The following RPH3AL variants were observed in gnomAD, a reference collection of about 807,000 sequenced individuals.
RPH3AL encodes the protein rab effector Noc2.
Under a neutral mutation model 43.1 loss-of-function variants are expected in RPH3AL, and 38 were observed. The ratio of observed to expected loss-of-function variants is 0.88; its 90% confidence interval spans 0.68 to 1.15. The LOEUF (loss-of-function observed/expected upper bound fraction) is 1.15, where lower values mean the gene tolerates loss of function less well. RPH3AL is among the 50% of genes most tolerant of loss of function. RPH3AL has a pLI of 0.00. For synonymous variants in RPH3AL, 189 were observed against 176.3 expected, an observed-to-expected ratio of 1.07 and a Z score of -0.57; for missense variants, 462 against 423.2, an observed-to-expected ratio of 1.09 and a Z score of -0.81.
chr17:276,783 A>G (rs1278081145), intron 6 of RPH3AL, among the ~76,000 whole-genome samples: 2 of 152,172 alleles, frequency 1.3e-5, no homozygotes, highest in Admixed American at 6.5e-5. Flanking sequence ...CTGGGTACCA[A>G]TTCTCCAAGC....
Position 246,349 on chromosome 17 carries a change from A to T in RPH3AL, c.613+762T>A, listed in dbSNP as rs962725233. 6.6e-6 allele frequency among the ~76,000 whole-genome samples: 1 copy of T among 152,100 alleles called. No homozygotes were observed. Among genetic ancestry groups the T allele is most frequent in the Non-Finnish European group, 1.5e-5 (1 of 68,004 alleles). ...TATTTGGCAGAAACGTGAGCACTTC[A>T]GAGCAAAAGGACCCAGATGCCAGAG... On this transcript the variant is annotated intron_variant, in intron 7 of 9. Transcript: ENST00000331302. This position sits in a 1 kb window ranked among gnomAD's most constrained non-coding sequence, Gnocchi z 4.8.
At chr17:339,996 G>C (rs1327203919) in intron 1 of RPH3AL, among the ~76,000 whole-genome samples, 2 of 152,058 alleles carry the variant, frequency 1.3e-5, no homozygotes, top group Non-Finnish European at 2.9e-5. Flanking sequence ...TCCCAGCCTA[G>C]GCCCTCAGAG....
At position 282,837 on chromosome 17, in the gene RPH3AL, C is replaced by T. The variant is rs759167943; in HGVS notation, c.352-983G>A. 5.3e-5 allele frequency among the ~76,000 whole-genome samples: 8 copies of T among 152,152 alleles called. No homozygotes were observed. The South Asian group carries it at 8.3e-4, about 16-fold the overall frequency. On this transcript the variant is annotated intron_variant, in intron 5 of 9. Transcript: ENST00000331302. ...AAGGCTGCAGGCAACTGTGACACAG[C>T]GGAAAGTATTCCTGTATCTAAATAT...
intron 6 of RPH3AL, among the ~76,000 whole-genome samples, chr17:267,070 G>T (rs147345509): frequency 6.6e-6 from 1 of 152,230 alleles, no homozygotes; most frequent in Non-Finnish European, 1.5e-5. Context: ...CCTGTGATGA[G>T]GAAAGGTCCC....
At position 290,618 on chromosome 17, in the gene RPH3AL, G is replaced by T. The variant is rs529098690; in HGVS notation, c.352-8764C>A. 6.6e-6 allele frequency among the ~76,000 whole-genome samples: 1 copy of T among 152,114 alleles called. No homozygotes were observed. The highest frequency in any genetic ancestry group is 1.9e-4 in the East Asian group (1 of 5,178). ...AGATGGCACCCAAGAGTCACAATGC[G>T]ACAGAAGGTTCTGCTGGGCCACTCC... On this transcript the variant is annotated intron_variant, in intron 5 of 9. Coordinates refer to ENST00000331302, the MANE Select transcript of RPH3AL (RefSeq NM_006987.4). This position sits in a 1 kb window ranked among gnomAD's most constrained non-coding sequence, Gnocchi z 4.2.
At chr17:239,261 C>T (rs1248614373) in intron 7 of RPH3AL, among the ~76,000 whole-genome samples, 1 of 152,036 alleles carries the variant, frequency 6.6e-6, no homozygotes, top group African/African-American at 2.4e-5. Context: ...AGGACAGGAA[C>T]ACGTCTACTC....
Position 280,147 on chromosome 17 carries a change from G to A in RPH3AL, c.438+1621C>T, listed in dbSNP as rs139992126. Among the ~76,000 whole-genome samples the A allele has an allele frequency of 5.4e-3, 818 of 152,304 alleles. 9 individuals are homozygous for A. Among genetic ancestry groups the A allele is most frequent in the Non-Finnish European group, 9.0e-3 (614 of 68,020 alleles). ...AAATTCAAAGTATTTGCCATTTTGA[G>A]GGGTGAAGGCACAGCCGCTTGCTGA... On this transcript the variant is annotated intron_variant, in intron 6 of 9. Coordinates refer to ENST00000331302, the MANE Select transcript of RPH3AL (RefSeq NM_006987.4).
chr17:291,523 TC>T (rs1406674970), intron 5 of RPH3AL, among the ~76,000 whole-genome samples: 2 of 152,136 alleles, frequency 1.3e-5, no homozygotes, highest in South Asian at 4.1e-4. Context: ...AGAGGGGTCA[TC>T]CCCCTGCCCC....
chr17:274,223 C>T lies in RPH3AL; in HGVS notation c.438+7545G>A, dbSNP rs1331929141. On this transcript the variant is annotated intron_variant, in intron 6 of 9. Coordinates refer to ENST00000331302, the MANE Select transcript of RPH3AL (RefSeq NM_006987.4). This position sits in a 1 kb window ranked among gnomAD's most constrained non-coding sequence, Gnocchi z 4.7. ...ATGAAAGCACGTGGAAAAGGCACCG[C>T]GAAACCCCAGCCCGGGGCCTCTGAC... Among the ~76,000 whole-genome samples the T allele has an allele frequency of 6.6e-6, 1 of 152,222 alleles. No individual in the cohort carries two copies. The highest frequency in any genetic ancestry group is 2.4e-5 in the African/African-American group (1 of 41,460).
rs748542642 is a variant in RPH3AL, at chr17:326,607, G to A, written c.77+860C>T. ...GACAGCAGGAAAACCAGGGCCAGGC[G>A]CGGTGGCTCACGCCTGTAATCCCAG... On this transcript the variant is annotated intron_variant, in intron 3 of 9. Coordinates refer to ENST00000331302, the MANE Select transcript of RPH3AL (RefSeq NM_006987.4). Among the ~76,000 whole-genome samples, 6 of 152,314 alleles carry A rather than the reference G, an allele frequency of 3.9e-5. No individual in the cohort carries two copies. In the South Asian group the frequency reaches 6.2e-4, roughly 16 times the overall value.
At chr17:262,691 G>A (rs782286782) in intron 6 of RPH3AL, among the ~76,000 whole-genome samples, 12 of 152,134 alleles carry the variant, frequency 7.9e-5, no homozygotes, top group South Asian at 2.1e-4. Context: ...CAAAAGTCAA[G>A]CGACAAACCA....
intron 7 of RPH3AL, among the ~76,000 whole-genome samples, chr17:231,538 GC>G (rs35789032): frequency 0.16 from 24,995 of 152,238 alleles, 2,110 homozygotes; most frequent in African/African-American, 0.2. Context: ...TATCTCCCAG[GC>G]CTTTGCTGGA....
intron 5 of RPH3AL, among the ~76,000 whole-genome samples, chr17:313,487 A>G (rs4073769): frequency 0.26 from 38,995 of 152,038 alleles, 7,469 homozygotes; most frequent in African/African-American, 0.53. Flanking sequence ...TCCAGGGGAA[A>G]CTTGCCGTTC....
chr17:310,458 G>C (rs374378231), intron 5 of RPH3AL, among the ~76,000 whole-genome samples: 1 of 152,098 alleles, frequency 6.6e-6, no homozygotes, highest in Non-Finnish European at 1.5e-5. Flanking sequence ...TGCTTCCCAC[G>C]GCAGGGATCT....
intron 5 of RPH3AL, among the ~76,000 whole-genome samples, chr17:297,286 C>T (rs72806039): frequency 1.6e-3 from 247 of 152,334 alleles, no homozygotes; most frequent in Non-Finnish European, 3.0e-3. Context: ...TAATATCCTT[C>T]GTCATAAACC....
At chr17:315,598 A>T (rs2044002223) in intron 5 of RPH3AL, among the ~76,000 whole-genome samples, 1 of 120,586 alleles carries the variant, frequency 8.3e-6, no homozygotes, top group African/African-American at 3.2e-5. Flanking sequence ...CCTGTGCTCC[A>T]CCTCCACTGA....
chr17:324,330 T>C (rs7224337), intron 3 of RPH3AL, among the ~76,000 whole-genome samples: 48,267 of 152,068 alleles, frequency 0.32, 8,987 homozygotes, highest in Non-Finnish European at 0.44. Context: ...TCATCTCACC[T>C]GCTGCCAGGC....
At chr17:259,142 A>G (rs996896429) in intron 6 of RPH3AL, among the ~76,000 whole-genome samples, 5 of 152,148 alleles carry the variant, frequency 3.3e-5, no homozygotes, top group Non-Finnish European at 7.3e-5. Context: ...ACTGTAGTCC[A>G]GGTGGAAGGT....
chr17:307,678 T>C (rs2043536601), intron 5 of RPH3AL, among the ~76,000 whole-genome samples: 1 of 152,164 alleles, frequency 6.6e-6, no homozygotes, highest in South Asian at 2.1e-4. Context: ...ATCCGTGTGG[T>C]TCCCCAAGCC....
Sources: allele counts gnomAD v4.1 joint callset (sites outside exome capture counted in the v4.1 genomes callset), GRCh38; gene constraint gnomAD v4.1.1; non-coding constraint Gnocchi (gnomAD v3.1); transcripts MANE v1.5; gene names NCBI Gene and HGNC (gene_info 2026-07-23, HGNC 2026-07-21).